RABGAP1L: variants seen among roughly 807,000 people sequenced by gnomAD.
RABGAP1L encodes rab GTPase-activating protein 1-like.
A neutral mutation model predicts 137.7 loss-of-function variants in RABGAP1L; 63 were observed. That is an observed-to-expected ratio of 0.46 (90% CI 0.37 to 0.56). The LOEUF (loss-of-function observed/expected upper bound fraction) is 0.56, where lower values mean the gene tolerates loss of function less well. Ranked by LOEUF, RABGAP1L falls within the 20% of genes least tolerant of loss-of-function variation. The pLI, the probability that RABGAP1L is intolerant of heterozygous loss-of-function variation, is 0.00. For synonymous variants in RABGAP1L, 431 were observed against 433.7 expected (o/e 0.99, Z 0.08); for missense variants, 1,095 against 1,244.0 (o/e 0.88, Z 1.80).
intron 7 of RABGAP1L, among the ~76,000 whole-genome samples, chr1:174,254,912 C>T (rs1460241223): frequency 6.6e-6 from 1 of 152,176 alleles, no homozygotes; most frequent in Non-Finnish European, 1.5e-5. Flanking sequence ...GGAATCACCA[C>T]ACTGTCTTCC....
chr1:174,204,487 G>A (rs550692503), intron 1 of RABGAP1L, among the ~76,000 whole-genome samples: 13 of 152,226 alleles, frequency 8.5e-5, no homozygotes, highest in South Asian at 2.1e-4. Flanking sequence ...GTGTTGTGCC[G>A]GTTTTTACAG....
At chr1:174,587,083 A>G (rs975526383) in intron 13 of RABGAP1L, among the ~76,000 whole-genome samples, 1 of 151,226 alleles carries the variant, frequency 6.6e-6, no homozygotes, top group Non-Finnish European at 1.5e-5. Flanking sequence ...TGAACTCATC[A>G]TTTTTTATGG....
At chr1:174,757,521 AT>A (rs1225346302) in intron 18 of RABGAP1L, among the ~76,000 whole-genome samples, 11 of 148,264 alleles carry the variant, frequency 7.4e-5, no homozygotes, top group African/African-American at 2.7e-4. Context: ...ATAAATATAA[AT>A]ATAATATATA....
In RABGAP1L at chr1:174,984,360, G is replaced by C. The variant is rs183215692; in HGVS notation, c.2805+1455G>C. Among the ~76,000 whole-genome samples the C allele has an allele frequency of 2.2e-3, 332 of 152,296 alleles. 3 individuals carry two copies. Among genetic ancestry groups the C allele is most frequent in the Non-Finnish European group, 7.6e-4 (52 of 68,030 alleles). On this transcript the variant is annotated intron_variant, in intron 24 of 25. Coordinates refer to ENST00000681986, the MANE Select transcript of RABGAP1L (RefSeq NM_001366446.1). ...GCTATTAGACTGCCATTTTGTTATA[G>C]AAATTACACATGAAAAGGAGCTTAA...
intron 11 of RABGAP1L, among the ~76,000 whole-genome samples, chr1:174,361,464 C>T (rs190209645): frequency 6.6e-6 from 1 of 151,902 alleles, no homozygotes; most frequent in African/African-American, 2.4e-5. Flanking sequence ...TTTTCATTGG[C>T]ATTTTATAGT....
intron 15 of RABGAP1L, among the ~76,000 whole-genome samples, chr1:174,690,944 G>T (rs1678830660): frequency 6.8e-6 from 1 of 147,126 alleles, no homozygotes; most frequent in South Asian, 2.1e-4. Flanking sequence ...GAATTTTTCT[G>T]CTTCAGCCTG....
intron 11 of RABGAP1L, among the ~76,000 whole-genome samples, chr1:174,369,954 G>T (rs1327378955): frequency 6.6e-6 from 1 of 152,048 alleles, no homozygotes; most frequent in East Asian, 1.9e-4. Context: ...TTTTTGTATG[G>T]CTGTGACCTA....
chr1:174,253,632 C>T (rs1672888733), intron 7 of RABGAP1L, among the ~76,000 whole-genome samples: 1 of 152,096 alleles, frequency 6.6e-6, no homozygotes, highest in Non-Finnish European at 1.5e-5. Flanking sequence ...ATGATGGGGG[C>T]ATATGCTAAA....
At chr1:174,852,548 T>C (rs1648549643) in intron 19 of RABGAP1L, among the ~76,000 whole-genome samples, 1 of 152,292 alleles carries the variant, frequency 6.6e-6, no homozygotes. Context: ...GCATGGTGGC[T>C]CACACCTGTA....
At chr1:174,978,707 C>T in intron 22 of RABGAP1L, 100 bp from the exon 23 acceptor site, 1 of 1,278,684 alleles carries the variant, frequency 7.8e-7, no homozygotes, top group Non-Finnish European at 1.0e-6. Flanking sequence ...ACATTGTTAC[C>T]ATTGTTACTG....
chr1:174,635,276 G>A (rs956417246), intron 13 of RABGAP1L, among the ~76,000 whole-genome samples: 25 of 151,980 alleles, frequency 1.6e-4, no homozygotes, highest in Admixed American at 9.2e-4. Context: ...GTTATCCTGC[G>A]GGCCAATAGG....
chr1:174,315,928 T>C (rs562890462), intron 11 of RABGAP1L, among the ~76,000 whole-genome samples: 1 of 152,286 alleles, frequency 6.6e-6, no homozygotes, highest in South Asian at 2.1e-4. Flanking sequence ...TTGTTTCTTA[T>C]TCTTTTTCTT....
intron 20 of RABGAP1L, 174 bp downstream of exon 20, chr1:174,957,723 C>CTTTTTTTTTTTTTTTTTTTTT (rs34143059): frequency 1.4e-5 from 7 of 505,892 alleles, no homozygotes; most frequent in Non-Finnish European, 2.1e-5. Context: ...AGCAAAGTAC[C>CTTTTTTTTTTTTTTTTTTTTT]TTTTTTTTTT....
Position 174,272,400 on chromosome 1 carries a change from C to T in RABGAP1L, c.987-14C>T, listed in dbSNP as rs1384554147. On this transcript the variant is annotated splice_polypyrimidine_tract_variant and intron_variant, in intron 7 of 25. Transcript: ENST00000681986. ...GATACCTTATTTCTCCTTTTTTTCC[C>T]CCAATATTTTCAGATGTTTTGGAAT... 3 of 1,595,394 alleles carry T rather than the reference C, an allele frequency of 1.9e-6. No individual in the cohort carries two copies. Among genetic ancestry groups the T allele is most frequent in the Non-Finnish European group, 2.6e-6 (3 of 1,173,444 alleles).
chr1:174,450,779 T>G (rs1655348158), intron 13 of RABGAP1L, among the ~76,000 whole-genome samples: 1 of 152,192 alleles, frequency 6.6e-6, no homozygotes, highest in African/African-American at 2.4e-5. Context: ...GAAAGATATT[T>G]TAAAATTTAT....
intron 11 of RABGAP1L, among the ~76,000 whole-genome samples, chr1:174,366,585 A>G (rs1346196536): frequency 6.6e-6 from 1 of 151,864 alleles, no homozygotes; most frequent in Non-Finnish European, 1.5e-5. Context: ...ACCTGGCCAA[A>G]ATGGTGAAAC....
chr1:174,610,840 G>T (rs188335171), intron 13 of RABGAP1L, among the ~76,000 whole-genome samples: 1 of 152,146 alleles, frequency 6.6e-6, no homozygotes. Context: ...TTTTTTGGCT[G>T]CATAAATGTC....
At position 174,811,979 on chromosome 1, in the gene RABGAP1L, A is replaced by G. The variant is rs1295908888; in HGVS notation, c.2340+19A>G. The G allele has an allele frequency of 3.2e-6, 5 of 1,568,614 alleles. No individual in the cohort carries two copies. The highest frequency in any genetic ancestry group is 4.3e-6 in the Non-Finnish European group (5 of 1,162,162). On this transcript the variant is annotated intron_variant, in intron 19 of 25. Transcript: ENST00000681986. Reference sequence around the variant, plus strand: ...TATTAAAGTAAGAACATGAGTTTTTATATAATAAAGGTAAAATATGAGTGC... The same window carrying G: ...TATTAAAGTAAGAACATGAGTTTTTGTATAATAAAGGTAAAATATGAGTGC...
chr1:174,862,527 A>T (rs1650431184), intron 19 of RABGAP1L, among the ~76,000 whole-genome samples: 1 of 152,206 alleles, frequency 6.6e-6, no homozygotes. Context: ...TAAAATTAAA[A>T]TATTAATGTG....
Sources: gnomAD v4.1 joint callset for allele counts (sites outside exome capture counted in the v4.1 genomes callset) on GRCh38, gnomAD v4.1.1 for gene constraint, MANE v1.5 for transcripts, NCBI Gene and HGNC (gene_info 2026-07-23, HGNC 2026-07-21) for gene names.